Variants in RB1 observed in about 807,000 individuals in gnomAD.
RB1 encodes the protein retinoblastoma-associated protein.
In RB1, 18 loss-of-function variants were observed where a neutral mutation model predicts 135.4. That is an observed-to-expected ratio of 0.13 (90% CI 0.09 to 0.20). The LOEUF is 0.20. RB1 is among the 10% of genes least tolerant of loss of function. The pLI, the probability that RB1 is intolerant of heterozygous loss-of-function variation, is 1.00. For synonymous variants in RB1, 365 were observed against 373.2 expected (o/e 0.98, Z 0.25); for missense variants, 868 against 1,110.0 (o/e 0.78, Z 3.10).
rs74586886 is a variant in RB1, at chr13:48,312,886, T to A, written c.264+5480T>A. Reference sequence around the variant, plus strand: ...ATTTTTAGAAAAGACTGGTGTACAGTTTGCCCCTTTTGCTTTAAAATTTAT... The same window carrying A: ...ATTTTTAGAAAAGACTGGTGTACAGATTGCCCCTTTTGCTTTAAAATTTAT... On this transcript the variant is annotated intron_variant, in intron 2 of 26. Transcript: ENST00000267163. 8.0e-3 allele frequency among the ~76,000 whole-genome samples: 1,220 copies of A among 152,268 alleles called. 14 individuals are homozygous for A. The highest frequency in any genetic ancestry group is 0.028 in the African/African-American group (1,168 of 41,542).
At chr13:48,339,603 G>A (rs562223672) in intron 2 of RB1, among the ~76,000 whole-genome samples, 11 of 152,294 alleles carry the variant, frequency 7.2e-5, no homozygotes, top group South Asian at 4.1e-4. Context: ...AGGGAATTCC[G>A]TGACCCCCTG....
chr13:48,403,136 G>A (rs1467583264), intron 17 of RB1, among the ~76,000 whole-genome samples: 1 of 152,114 alleles, frequency 6.6e-6, no homozygotes. Flanking sequence ...AAGATCTCCT[G>A]TGTTTTGATG....
intron 2 of RB1, among the ~76,000 whole-genome samples, chr13:48,340,385 G>A (rs1332981733): frequency 6.6e-6 from 1 of 152,012 alleles, no homozygotes; most frequent in East Asian, 1.9e-4. Context: ...TTTGCTCATA[G>A]GAAAGTTCTT....
chr13:48,465,500 A>G (rs1364014067), intron 23 of RB1, 132 bp downstream of exon 23: 1 of 1,026,308 alleles, frequency 9.7e-7, no homozygotes. Flanking sequence ...TATTTAAGTA[A>G]CATAATAAGA....
chr13:48,370,178 C>T (rs1952744151), intron 11 of RB1, among the ~76,000 whole-genome samples: 1 of 152,124 alleles, frequency 6.6e-6, no homozygotes, highest in South Asian at 2.1e-4. Flanking sequence ...GGAGTGGGAA[C>T]AGCATGTTCA....
chr13:48,418,729 G>T (rs1948957203), intron 17 of RB1, among the ~76,000 whole-genome samples: 1 of 151,682 alleles, frequency 6.6e-6, no homozygotes, highest in Non-Finnish European at 1.5e-5. Context: ...AAAAAGCAGG[G>T]GTTGCAATCC....
intron 17 of RB1, among the ~76,000 whole-genome samples, chr13:48,444,384 G>T (rs1322467986): frequency 6.6e-6 from 1 of 152,110 alleles, no homozygotes; most frequent in African/African-American, 2.4e-5. Context: ...GGGTGTGGTG[G>T]CATGCCCCTG....
intron 11 of RB1, among the ~76,000 whole-genome samples, chr13:48,371,440 C>T (rs1314888459): frequency 6.6e-6 from 1 of 152,082 alleles, no homozygotes; most frequent in African/African-American, 2.4e-5. Flanking sequence ...CTACCACAGA[C>T]ATAGTGTATA....
intron 4 of RB1, among the ~76,000 whole-genome samples, chr13:48,347,484 C>G (rs1276425478): frequency 1.3e-5 from 2 of 152,048 alleles, no homozygotes; most frequent in African/African-American, 2.4e-5. Flanking sequence ...AAAGACCACT[C>G]AGGACTTTGT....
intron 17 of RB1, among the ~76,000 whole-genome samples, chr13:48,431,841 A>G (rs1374382881): frequency 1.3e-5 from 2 of 152,188 alleles, no homozygotes; most frequent in Non-Finnish European, 2.9e-5. Flanking sequence ...CAGGCATATT[A>G]AAATTTTTTC....
At chr13:48,449,944 T>C (rs973099246) in intron 17 of RB1, among the ~76,000 whole-genome samples, 1 of 152,200 alleles carries the variant, frequency 6.6e-6, no homozygotes, top group Non-Finnish European at 1.5e-5. Flanking sequence ...GTTCATATCC[T>C]TTGCCCACTT....
intron 2 of RB1, chr13:48,328,407 T>A: frequency 7.0e-7 from 1 of 1,427,476 alleles, no homozygotes; most frequent in South Asian, 1.1e-5. Flanking sequence ...AAATCCAAAG[T>A]TGGAGATCTT....
At chr13:48,446,632 G>T (rs1949289818) in intron 17 of RB1, among the ~76,000 whole-genome samples, 1 of 152,192 alleles carries the variant, frequency 6.6e-6, no homozygotes, top group South Asian at 2.1e-4. Context: ...GCTATTTGAG[G>T]AGATATGTGA....
chr13:48,352,570 C>T (rs546188820), intron 6 of RB1, among the ~76,000 whole-genome samples: 2 of 152,136 alleles, frequency 1.3e-5, no homozygotes, highest in East Asian at 3.9e-4. Flanking sequence ...AGAGAGCTTT[C>T]ACCTCCCTGG....
At chr13:48,326,947 T>C (rs1200882901) in intron 2 of RB1, among the ~76,000 whole-genome samples, 6 of 152,116 alleles carry the variant, frequency 3.9e-5, no homozygotes, top group African/African-American at 1.4e-4. Context: ...GTGGTGAGAT[T>C]CCAAAAAATG....
At chr13:48,347,281 A>G (rs1952506988) in intron 4 of RB1, among the ~76,000 whole-genome samples, 1 of 152,132 alleles carries the variant, frequency 6.6e-6, no homozygotes, top group Non-Finnish European at 1.5e-5. Flanking sequence ...ATGAGTGGGA[A>G]CTGGGAGCGA....
intron 2 of RB1, 108 bp downstream of exon 2, chr13:48,307,514 C>A: frequency 8.5e-7 from 1 of 1,182,072 alleles, no homozygotes; most frequent in Non-Finnish European, 1.2e-6. Flanking sequence ...ACAATAAAAG[C>A]TAATAATAAT....
chr13:48,379,101 A>G (rs1948508613), intron 13 of RB1, among the ~76,000 whole-genome samples: 1 of 152,204 alleles, frequency 6.6e-6, no homozygotes, highest in Non-Finnish European at 1.5e-5. Flanking sequence ...CTGGACAGCT[A>G]TCTTGAAAAT....
At chr13:48,314,886 C>G (rs1296230009) in intron 2 of RB1, among the ~76,000 whole-genome samples, 2 of 152,102 alleles carry the variant, frequency 1.3e-5, no homozygotes, top group African/African-American at 4.8e-5. Flanking sequence ...GATCTCTGGA[C>G]TTGTTCATCC....
Sources: gnomAD v4.1 joint callset for allele counts (sites outside exome capture counted in the v4.1 genomes callset) on GRCh38, gnomAD v4.1.1 for gene constraint, MANE v1.5 for transcripts, NCBI Gene and HGNC (gene_info 2026-07-23, HGNC 2026-07-21) for gene names.